The following IKZF1 variants were observed in gnomAD, a reference collection of about 807,000 sequenced individuals.
The protein encoded by IKZF1 is IKAROS family zinc finger 1, also known as DNA-binding protein Ikaros.
A neutral mutation model predicts 51.7 loss-of-function variants in IKZF1; 10 were observed. That is an observed-to-expected ratio of 0.19 (90% CI 0.12 to 0.33). IKZF1 has a LOEUF of 0.33. IKZF1 is among the 10% of genes least tolerant of loss of function. IKZF1 has a pLI of 1.00. For synonymous variants in IKZF1, 280 were observed against 282.3 expected, an observed-to-expected ratio of 0.99 and a Z score of 0.08; for missense variants, 484 against 707.5, an observed-to-expected ratio of 0.68 and a Z score of 3.58.
intron 5 of IKZF1, among the ~76,000 whole-genome samples, chr7:50,385,561 A>G (rs1040213346): frequency 1.3e-5 from 2 of 152,230 alleles, no homozygotes; most frequent in African/African-American, 4.8e-5. Context: ...TTTCTTTCCC[A>G]AAGAATATTG....
At chr7:50,355,721 CT>C (rs1175991863) in intron 3 of IKZF1, among the ~76,000 whole-genome samples, 1 of 152,222 alleles carries the variant, frequency 6.6e-6, no homozygotes, top group African/African-American at 2.4e-5. Flanking sequence ...GCAGTTTCCT[CT>C]AAGAACAATG....
In IKZF1 at chr7:50,399,939, C is replaced by G. The variant is rs1262982300; in HGVS notation, c.872C>G (p.Thr291Arg). The G allele has an allele frequency of 2.5e-6, 4 of 1,612,916 alleles. No homozygotes were observed. The highest frequency in any genetic ancestry group is 1.7e-4 in the Middle Eastern group (1 of 6,054). The change falls in exon 8 of 8, where the codon ACG (threonine) becomes AGG (arginine). Residue 291 changes from threonine to arginine, a missense_variant. Physicochemically the swap from Thr to Arg is moderately conservative, Grantham distance 71 (BLOSUM62 -1). Transcript: ENST00000331340. ...ACAGGGGACAAGGGCCTGTCCGACA[C>G]GCCCTACGACAGCAGCGCCAGCTAC... is the stretch of plus-strand genomic sequence containing the variant. ...KFLGDKGLSD[T>R]PYDSSASYEK... is the part of the protein sequence containing the mutation.
intron 3 of IKZF1, among the ~76,000 whole-genome samples, chr7:50,340,068 C>T (rs1340891898): frequency 6.6e-6 from 1 of 152,144 alleles, no homozygotes; most frequent in African/African-American, 2.4e-5. Flanking sequence ...TCTCCCTGTG[C>T]CTGCAGGGGT....
At position 50,376,800 on chromosome 7, in the gene IKZF1, C is replaced by T. The variant is rs756418516; in HGVS notation, c.421+7C>T. 6.2e-7 allele frequency: 1 copy of T among 1,612,580 alleles called. No homozygotes were observed. The highest frequency in any genetic ancestry group is 8.5e-7 in the Non-Finnish European group (1 of 1,178,768). Reference sequence around the variant, plus strand: ...CACAAAAGAAGCCACACTGGTAAGGCCTGGCTCAGTTTTTCCTTTAGTGGC... The same window carrying T: ...CACAAAAGAAGCCACACTGGTAAGGTCTGGCTCAGTTTTTCCTTTAGTGGC... On this transcript the variant is annotated splice_region_variant and intron_variant, in intron 4 of 7. Coordinates refer to ENST00000331340, the MANE Select transcript of IKZF1 (RefSeq NM_006060.6). The surrounding 1 kb of genome is among the most constrained non-coding windows in gnomAD (Gnocchi z 4.5).
chr7:50,376,869 T>C lies in IKZF1; in HGVS notation c.421+76T>C, dbSNP rs1810427522. 1 of 1,559,866 alleles carries C rather than the reference T, an allele frequency of 6.4e-7. No homozygotes were observed. ...GTTTGAAGGAGGAAAGCATCCTGTC[T>C]TCCTTGTGTTCTGAGCATGTTTCTA... On this transcript the variant is annotated intron_variant, in intron 4 of 7. Transcript: ENST00000331340. This position sits in a 1 kb window ranked among gnomAD's most constrained non-coding sequence, Gnocchi z 4.5.
At chr7:50,375,923 A>G (rs1810151116) in intron 3 of IKZF1, among the ~76,000 whole-genome samples, 1 of 152,202 alleles carries the variant, frequency 6.6e-6, no homozygotes, top group Non-Finnish European at 1.5e-5. Context: ...AAGCAACACA[A>G]AGAACTTCCG....
chr7:50,352,589 G>C (rs1363657262), intron 3 of IKZF1, among the ~76,000 whole-genome samples: 1 of 152,186 alleles, frequency 6.6e-6, no homozygotes. Context: ...CAATGGGACG[G>C]GATGGGATTG....
At chr7:50,335,087 ATGGGATATATGG>A (rs1797336383) in intron 3 of IKZF1, among the ~76,000 whole-genome samples, 2 of 137,250 alleles carry the variant, frequency 1.5e-5, no homozygotes, top group African/African-American at 5.6e-5. Context: ...TGTGGTGTGT[ATGGGATATATGG>A]TGTGTGGTGT....
chr7:50,402,802 A>G lies in IKZF1; in HGVS notation c.*2175A>G, dbSNP rs1818369917. 4.3e-6 allele frequency: 1 copy of G among 230,686 alleles called. No individual in the cohort carries two copies. The highest frequency in any genetic ancestry group is 8.6e-6 in the Non-Finnish European group (1 of 116,366). 14.3% of individuals were successfully genotyped at this position (230,686 alleles called of 1,614,324 possible). On this transcript the variant is annotated 3_prime_UTR_variant, in exon 8 of 8. Transcript: ENST00000331340. ...GGTGTGGCATTTGGAAACGGGAATA[A>G]ACAAAATTGCTGCACCAATGCACTG...
intron 3 of IKZF1, among the ~76,000 whole-genome samples, chr7:50,343,601 G>A (rs1435114883): frequency 6.6e-6 from 1 of 152,234 alleles, no homozygotes; most frequent in Admixed American, 6.5e-5. Context: ...TTGTACAAGA[G>A]GCTTGTGCCA....
chr7:50,347,247 T>C (rs1172572642), intron 3 of IKZF1, among the ~76,000 whole-genome samples: 2 of 152,170 alleles, frequency 1.3e-5, no homozygotes, highest in Non-Finnish European at 2.9e-5. Flanking sequence ...GAGCCTTTTT[T>C]GGAAACAGCC....
chr7:50,332,591 T>C (rs992649261), intron 3 of IKZF1, among the ~76,000 whole-genome samples: 3 of 151,740 alleles, frequency 2.0e-5, no homozygotes, highest in South Asian at 4.2e-4. Context: ...TAGAGTAGAA[T>C]TGAAGAAAAA....
intron 2 of IKZF1, among the ~76,000 whole-genome samples, chr7:50,323,721 A>G (rs368263336): frequency 6.6e-6 from 1 of 152,180 alleles, no homozygotes; most frequent in African/African-American, 2.4e-5. Flanking sequence ...GTGTGTTTGC[A>G]TGTCATTGTA....
intron 2 of IKZF1, among the ~76,000 whole-genome samples, chr7:50,321,975 A>T (rs757077756): frequency 6.6e-6 from 1 of 152,190 alleles, no homozygotes; most frequent in Admixed American, 6.5e-5. Flanking sequence ...TACCAAAGGG[A>T]TTCCTATTTC....
intron 1 of IKZF1, among the ~76,000 whole-genome samples, chr7:50,315,196 GAGA>G (rs1351186810): frequency 6.6e-6 from 1 of 152,238 alleles, no homozygotes; most frequent in Admixed American, 6.5e-5. Flanking sequence ...GGAGAGAAAG[GAGA>G]AGGACAGAGA....
At chr7:50,354,095 G>T (rs1406035102) in intron 3 of IKZF1, among the ~76,000 whole-genome samples, 4 of 152,316 alleles carry the variant, frequency 2.6e-5, no homozygotes, top group African/African-American at 9.6e-5. Context: ...CCCAGGTGTG[G>T]TGTCCCTTCT....
At chr7:50,393,184 AG>A (rs1333307357) in intron 7 of IKZF1, among the ~76,000 whole-genome samples, 20 of 152,324 alleles carry the variant, frequency 1.3e-4, no homozygotes, top group Admixed American at 3.9e-4. Flanking sequence ...AGAGGAACAT[AG>A]GGCTGGGGGC....
chr7:50,354,031 G>T (rs1181432835), intron 3 of IKZF1, among the ~76,000 whole-genome samples: 3 of 152,202 alleles, frequency 2.0e-5, no homozygotes, highest in Admixed American at 2.0e-4. Flanking sequence ...TCATCCTGGA[G>T]GGCGCTGATT....
intron 3 of IKZF1, among the ~76,000 whole-genome samples, chr7:50,358,526 C>G (rs767187938): frequency 5.3e-5 from 8 of 152,170 alleles, no homozygotes; most frequent in Non-Finnish European, 1.2e-4. Context: ...CTGGCGTTTT[C>G]TTTGGTTTCA....
Sources: gnomAD v4.1 joint callset for allele counts (sites outside exome capture counted in the v4.1 genomes callset) on GRCh38, gnomAD v4.1.1 for gene constraint, Gnocchi (gnomAD v3.1) non-coding constraint, MANE v1.5 for transcripts, NCBI Gene and HGNC (gene_info 2026-07-23, HGNC 2026-07-21) for gene names.